Variants in SLIT3 observed in about 807,000 individuals in gnomAD.
The protein encoded by SLIT3 is slit guidance ligand 3.
SLIT3 carries 68 observed loss-of-function variants against 184.0 expected under a neutral mutation model. That is an observed-to-expected ratio of 0.37 (90% CI 0.30 to 0.45). The LOEUF (loss-of-function observed/expected upper bound fraction) is 0.45. SLIT3 is among the 20% of genes least tolerant of loss of function. The pLI, the probability that SLIT3 is intolerant of heterozygous loss-of-function variation, is 1.00. For synonymous variants in SLIT3, 831 were observed against 828.6 expected (o/e 1.00, Z -0.05); for missense variants, 1,707 against 2,026.0 (o/e 0.84, Z 3.02).
intron 3 of SLIT3, among the ~76,000 whole-genome samples, chr5:169,229,516 C>T (rs1375956451): frequency 6.6e-6 from 1 of 152,168 alleles, no homozygotes; most frequent in Non-Finnish European, 1.5e-5. Flanking sequence ...CATGCTTCAG[C>T]AGCTTCTGAT....
Position 169,112,171 on chromosome 5 carries a change from G to A in SLIT3, c.413+81308C>T, listed in dbSNP as rs994844000. 2.0e-5 allele frequency among the ~76,000 whole-genome samples: 3 copies of A among 152,326 alleles called. No individual in the cohort carries two copies. In the East Asian group the frequency reaches 5.8e-4, roughly 29 times the overall value. ...ATGCCCCAGCCTGAAGGCTCAATGGGGGCAGGAGAGGCACCGGGGCTATGC... is the reference window on the plus strand; with the variant it reads ...ATGCCCCAGCCTGAAGGCTCAATGGAGGCAGGAGAGGCACCGGGGCTATGC... On this transcript the variant is annotated intron_variant, in intron 4 of 35. Transcript: ENST00000519560.
chr5:168,723,070 A>G, intron 21 of SLIT3, 66 bp from the exon 22 acceptor site: 1 of 1,099,026 alleles, frequency 9.1e-7, no homozygotes, highest in East Asian at 2.4e-5. Flanking sequence ...GCCATTCCCA[A>G]GTATCACACA....
intron 1 of SLIT3, among the ~76,000 whole-genome samples, chr5:169,286,808 C>T (rs1432571200): frequency 6.6e-6 from 1 of 152,232 alleles, no homozygotes; most frequent in Non-Finnish European, 1.5e-5. Flanking sequence ...TCGTGAAATG[C>T]TGTTTTGCAA....
intron 4 of SLIT3, among the ~76,000 whole-genome samples, chr5:169,184,997 C>G (rs544382595): frequency 6.6e-6 from 1 of 152,306 alleles, no homozygotes; most frequent in East Asian, 1.9e-4. Context: ...TGTGGCAAGT[C>G]CGCAGGCTTC....
At chr5:169,048,517 T>C (rs914800562) in intron 4 of SLIT3, among the ~76,000 whole-genome samples, 4 of 152,190 alleles carry the variant, frequency 2.6e-5, no homozygotes, top group Admixed American at 6.5e-5. Context: ...TGGATTTCCT[T>C]AAACCAGCCA....
chr5:168,830,255 G>A (rs902809147), intron 6 of SLIT3, among the ~76,000 whole-genome samples: 3 of 152,088 alleles, frequency 2.0e-5, no homozygotes. Flanking sequence ...GCTCAGCCCA[G>A]GGCCTCCATC....
intron 1 of SLIT3, among the ~76,000 whole-genome samples, chr5:169,252,831 G>C (rs1307925651): frequency 1.3e-5 from 2 of 152,122 alleles, no homozygotes; most frequent in African/African-American, 4.8e-5. Flanking sequence ...AACAGGAAAG[G>C]CATTTTCAGA....
At chr5:169,169,283 C>T (rs1762743779) in intron 4 of SLIT3, among the ~76,000 whole-genome samples, 1 of 152,156 alleles carries the variant, frequency 6.6e-6, no homozygotes, top group South Asian at 2.1e-4. Flanking sequence ...CAATATATTA[C>T]CCTGAGCACC....
At chr5:169,196,204 A>G (rs1438603068) in intron 3 of SLIT3, among the ~76,000 whole-genome samples, 2 of 152,104 alleles carry the variant, frequency 1.3e-5, no homozygotes, top group Admixed American at 6.5e-5. Context: ...AGGATGAGGC[A>G]ACATCTATTT....
intron 9 of SLIT3, among the ~76,000 whole-genome samples, chr5:168,799,315 C>G (rs1756683550): frequency 6.6e-6 from 1 of 152,206 alleles, no homozygotes. Flanking sequence ...AAGCCAACAG[C>G]TGATTTAGGT....
At chr5:168,994,666 G>T (rs1755451365) in intron 4 of SLIT3, among the ~76,000 whole-genome samples, 1 of 27,526 alleles carries the variant, frequency 3.6e-5, no homozygotes, top group Non-Finnish European at 6.6e-5. Context: ...TTTTTTTTGA[G>T]ACTGAGTCTT....
At position 169,300,618 on chromosome 5, in the gene SLIT3, G is replaced by A. The variant is rs1767652000; in HGVS notation, c.92C>T (p.Ala31Val). ...ALASVLSGPP[A>V]VACPTKCTCS... Reference sequence around the variant, plus strand: ...GGTACACTTGGTGGGGCAGGCGACGGCTGGAGGCCCACTCAGGACGCTCGC... The same window carrying A: ...GGTACACTTGGTGGGGCAGGCGACGACTGGAGGCCCACTCAGGACGCTCGC... Residue 31 changes from alanine to valine, a missense_variant, in exon 1 of 36, where the codon GCC becomes GTC. Physicochemically the swap from Ala to Val is moderately conservative, Grantham distance 64. Transcript: ENST00000519560. The surrounding 1 kb of genome is among the most constrained non-coding windows in gnomAD (Gnocchi z 4.1). 4.7e-6 allele frequency: 7 copies of A among 1,504,034 alleles called. No individual in the cohort carries two copies. The highest frequency in any genetic ancestry group is 6.2e-6 in the Non-Finnish European group (7 of 1,131,596). 93.2% of individuals were successfully genotyped at this position (1,504,034 alleles called of 1,614,324 possible).
At chr5:168,777,227 G>T (rs1755792781) in intron 12 of SLIT3, among the ~76,000 whole-genome samples, 2 of 151,938 alleles carry the variant, frequency 1.3e-5, no homozygotes, top group South Asian at 4.2e-4. Flanking sequence ...CTTTAGATAG[G>T]ACATATGCTC....
At chr5:168,907,975 T>TAG (rs1421951059) in intron 4 of SLIT3, among the ~76,000 whole-genome samples, 210 of 64,606 alleles carry the variant, frequency 3.3e-3, no homozygotes, top group South Asian at 6.7e-3. Context: ...TATATATATA[T>TAG]ATATAGAGAG....
At chr5:169,175,169 AT>A (rs1407598024) in intron 4 of SLIT3, among the ~76,000 whole-genome samples, 2 of 152,220 alleles carry the variant, frequency 1.3e-5, no homozygotes, top group African/African-American at 4.8e-5. Flanking sequence ...GAAGGGCCAG[AT>A]GAGCCCTTAA....
chr5:168,716,548 T>C lies in SLIT3; in HGVS notation c.2484-4194A>G, dbSNP rs2611842. ...TTTGAGTGGATTTTGGGGCCAGTCCTCTGGGAGTTACCCACATAGGGTAGA... is the reference window on the plus strand; with the variant it reads ...TTTGAGTGGATTTTGGGGCCAGTCCCCTGGGAGTTACCCACATAGGGTAGA... On this transcript the variant is annotated intron_variant, in intron 23 of 35. Coordinates refer to ENST00000519560, the MANE Select transcript of SLIT3 (RefSeq NM_003062.4). Among the ~76,000 whole-genome samples, 465 of 152,230 alleles carry C rather than the reference T, an allele frequency of 3.1e-3. 1 individual carries two copies. The highest frequency in any genetic ancestry group is 0.011 in the African/African-American group (445 of 41,450).
chr5:169,139,329 T>G (rs1165719127), intron 4 of SLIT3, among the ~76,000 whole-genome samples: 1 of 152,230 alleles, frequency 6.6e-6, no homozygotes, highest in African/African-American at 2.4e-5. Context: ...AGAATGGTGA[T>G]TAACAAAATG....
chr5:168,964,065 G>A (rs1376258085), intron 4 of SLIT3, among the ~76,000 whole-genome samples: 2 of 152,118 alleles, frequency 1.3e-5, no homozygotes, highest in East Asian at 1.9e-4. Context: ...AAATGCAGGG[G>A]GCTACATAAA....
intron 5 of SLIT3, among the ~76,000 whole-genome samples, chr5:168,857,373 T>TTTTTGTTTTTGTTTTG (rs1554149580): frequency 6.6e-6 from 1 of 150,818 alleles, no homozygotes; most frequent in South Asian, 2.1e-4. Context: ...AGAGTTTTTG[T>TTTTTGTTTTTGTTTTG]TTTTGTTTTG....
Sources: gnomAD v4.1 joint callset for allele counts (sites outside exome capture counted in the v4.1 genomes callset) on GRCh38, gnomAD v4.1.1 for gene constraint, Gnocchi (gnomAD v3.1) non-coding constraint, MANE v1.5 for transcripts, NCBI Gene and HGNC (gene_info 2026-07-23, HGNC 2026-07-21) for gene names.